Variants in PITPNM2 observed in about 807,000 individuals in gnomAD.
PITPNM2 encodes membrane-associated phosphatidylinositol transfer protein 2.
A neutral mutation model predicts 132.2 loss-of-function variants in PITPNM2; 35 were observed. The observed-to-expected ratio is 0.26, with a 90% CI of 0.20 to 0.35. The LOEUF (loss-of-function observed/expected upper bound fraction) is 0.35. Ranked by LOEUF, PITPNM2 falls within the 10% of genes least tolerant of loss-of-function variation. The probability of loss-of-function intolerance (pLI) is 1.00; values close to 1 mark genes in which losing one functional copy is unlikely to be tolerated. For missense variants in PITPNM2, 1,332 were observed against 1,912.0 expected (o/e 0.70, Z 5.66); for synonymous variants, 738 against 799.2 (o/e 0.92, Z 1.29).
chr12:123,018,073 CTCTCTT>C (rs953806838), intron 3 of PITPNM2, among the ~76,000 whole-genome samples: 5 of 135,070 alleles, frequency 3.7e-5, no homozygotes, highest in Admixed American at 1.5e-4. Context: ...CTCTCTCTCT[CTCTCTT>C]TCTCTTTCTC....
At chr12:123,059,573 C>T (rs1388155372) in intron 2 of PITPNM2, among the ~76,000 whole-genome samples, 4 of 152,228 alleles carry the variant, frequency 2.6e-5, no homozygotes, top group Non-Finnish European at 4.4e-5. Flanking sequence ...GTTTTCATAT[C>T]ATCTGAGCTT....
rs911733216 is a variant in PITPNM2, at chr12:123,021,675, G to A, written c.79-7633C>T. On this transcript the variant is annotated intron_variant, in intron 3 of 25. Coordinates refer to ENST00000320201, the MANE Select transcript of PITPNM2 (RefSeq NM_020845.3). ...CTTCCCTGAGGATGTGGGGCATGGAGTTTACCTTCAGCTATCAGGGTCCAA... is the reference window on the plus strand; with the variant it reads ...CTTCCCTGAGGATGTGGGGCATGGAATTTACCTTCAGCTATCAGGGTCCAA... 12 of 985,334 alleles carry A rather than the reference G, an allele frequency of 1.2e-5. No individual in the cohort carries two copies. The East Asian group carries it at 1.0e-3, about 84-fold the overall frequency. The allele number at this position is 985,334 out of a possible 1,614,324, so 61.0% of individuals were successfully genotyped here. A position where few individuals can be genotyped will look rare whatever the true frequency, so the allele number is the denominator to read the frequency against.
rs2038113133 is a variant in PITPNM2 at position 122,989,938 on chromosome 12, A to T, written c.2580T>A (p.Asp860Glu). 2 of 1,305,276 alleles carry T rather than the reference A, an allele frequency of 1.5e-6. No homozygotes were observed. 80.9% of individuals were successfully genotyped at this position (1,305,276 alleles called of 1,614,324 possible). A position where few individuals can be genotyped will look rare whatever the true frequency, so the allele number is the denominator to read the frequency against. Residue 860 changes from aspartate (D) to glutamate (E), a missense_variant, in exon 18 of 26, where the codon GAT becomes GAA. Asp to Glu is a conservative substitution (Grantham distance 45, BLOSUM62 2). Transcript: ENST00000320201. ...TASSIAQKAP[D>E]ALSHTPSVRR... ...TGACGCTGGGGGTATGGCTGAGCGC[A>T]TCGGGGGCCTCTGAGAAGCAAGAGC...
At chr12:123,028,181 C>G (rs1001866240) in intron 3 of PITPNM2, among the ~76,000 whole-genome samples, 8 of 152,238 alleles carry the variant, frequency 5.3e-5, no homozygotes, top group African/African-American at 1.9e-4. Flanking sequence ...CTCGGCGGCA[C>G]ACATTCGCTG....
chr12:123,014,810 G>A (rs1443094313), intron 3 of PITPNM2, among the ~76,000 whole-genome samples: 1 of 152,142 alleles, frequency 6.6e-6, no homozygotes, highest in Non-Finnish European at 1.5e-5. Flanking sequence ...TCTTATATAT[G>A]GAAAATGCTA....
intron 10 of PITPNM2, among the ~76,000 whole-genome samples, chr12:122,998,944 C>G (rs2038541623): frequency 6.6e-6 from 1 of 152,160 alleles, no homozygotes; most frequent in Non-Finnish European, 1.5e-5. Context: ...AAAACCGTCT[C>G]TACCAAAAAT....
rs2041855740 is a variant in PITPNM2, at chr12:123,078,351, A to G, written c.-96+32034T>C. 6.6e-6 allele frequency among the ~76,000 whole-genome samples: 1 copy of G among 152,152 alleles called. No individual in the cohort carries two copies. Among genetic ancestry groups the G allele is most frequent in the Non-Finnish European group, 1.5e-5 (1 of 68,016 alleles). On this transcript the variant is annotated intron_variant, in intron 2 of 25. Transcript: ENST00000320201. The surrounding 1 kb of genome is among the most constrained non-coding windows in gnomAD (Gnocchi z 7.3). ...ACCGGCCAGACCGGTGGGCAAAAGC[A>G]GCAGCTGGTGGCCACCACCATGCCA...
intron 2 of PITPNM2, chr12:123,090,386 A>G (rs1030228230): frequency 1.3e-5 from 2 of 152,198 alleles, no homozygotes; most frequent in Non-Finnish European, 2.9e-5. Flanking sequence ...TTGTTTAGAG[A>G]CAGAGTCTCT....
chr12:123,122,192 G>A (rs1790122), intron 1 of PITPNM2, among the ~76,000 whole-genome samples: 82,499 of 152,026 alleles, frequency 0.54, 26,895 homozygotes, highest in Non-Finnish European at 0.7. Flanking sequence ...GCCTGGTGCG[G>A]TGGCTCATGC....
chr12:123,091,790 A>T (rs974153260), intron 2 of PITPNM2: 1 of 152,204 alleles, frequency 6.6e-6, no homozygotes, highest in Non-Finnish European at 1.5e-5. Flanking sequence ...ATATGTGTAG[A>T]AACACATTTT....
chr12:123,076,294 C>A (rs1429012298), intron 2 of PITPNM2, among the ~76,000 whole-genome samples: 1 of 152,178 alleles, frequency 6.6e-6, no homozygotes, highest in African/African-American at 2.4e-5. Flanking sequence ...AAAAGCATTC[C>A]TCTCATCCTG....
At chr12:123,029,186 G>A (rs747694654) in intron 3 of PITPNM2, among the ~76,000 whole-genome samples, 6 of 152,198 alleles carry the variant, frequency 3.9e-5, no homozygotes, top group Non-Finnish European at 8.8e-5. Context: ...TCCCAAAGAG[G>A]CCACCTAGGA....
At position 122,991,896 on chromosome 12, in the gene PITPNM2, C is replaced by T. The variant is rs780997576; in HGVS notation, c.2404+603G>A. On this transcript the variant is annotated intron_variant, in intron 16 of 25. Transcript: ENST00000320201. Reference sequence around the variant, plus strand: ...AGCTCAGGGTTTCTCTGCACGGTCTCGACTGGAGGCAGACGGGGAGAGAAC... The same window carrying T: ...AGCTCAGGGTTTCTCTGCACGGTCTTGACTGGAGGCAGACGGGGAGAGAAC... The T allele has an allele frequency of 8.4e-6, 11 of 1,309,946 alleles. No homozygotes were observed. The Admixed American group carries it at 9.1e-5, about 11-fold the overall frequency. 81.1% of individuals were successfully genotyped at this position (1,309,946 alleles called of 1,614,324 possible). A position where few individuals can be genotyped will look rare whatever the true frequency, so the allele number is the denominator to read the frequency against.
chr12:123,086,776 G>A (rs2042124955), intron 2 of PITPNM2, among the ~76,000 whole-genome samples: 4 of 152,228 alleles, frequency 2.6e-5, no homozygotes, highest in Admixed American at 2.6e-4. Flanking sequence ...AAGTGTGGAA[G>A]GAGGCTCTGA....
intron 2 of PITPNM2, among the ~76,000 whole-genome samples, chr12:123,035,830 G>A (rs1208507486): frequency 6.6e-6 from 1 of 152,136 alleles, no homozygotes; most frequent in African/African-American, 2.4e-5. Context: ...GCCAAGTGAA[G>A]GTTTTCAGGA....
At chr12:123,017,384 A>G (rs2039469358) in intron 3 of PITPNM2, among the ~76,000 whole-genome samples, 1 of 152,130 alleles carries the variant, frequency 6.6e-6, no homozygotes, top group African/African-American at 2.4e-5. Context: ...AAAAAAAAAA[A>G]AGTTTAGCAC....
Position 123,058,021 on chromosome 12 carries a change from C to T in PITPNM2, c.-95-23336G>A, listed in dbSNP as rs1419970397. ...CTGTACACCTGACAGGTGCTACCTC[C>T]TCTCTGGGCCACTAGGCAGCAAAAA... On this transcript the variant is annotated intron_variant, in intron 2 of 25. Coordinates refer to ENST00000320201, the MANE Select transcript of PITPNM2 (RefSeq NM_020845.3). This position sits in a 1 kb window ranked among gnomAD's most constrained non-coding sequence, Gnocchi z 4.0. 6.6e-6 allele frequency among the ~76,000 whole-genome samples: 1 copy of T among 152,218 alleles called. No homozygotes were observed. The highest frequency in any genetic ancestry group is 1.5e-5 in the Non-Finnish European group (1 of 68,034).
At position 122,984,247 on chromosome 12, in the gene PITPNM2, G is replaced by A. The variant is rs1218612086; in HGVS notation, c.*1780C>T. ...GCAGGAGGGCCCGAGACTCTTCCAG[G>A]TGCTTCTCTGGATGGCTGGTCTCCC... On this transcript the variant is annotated 3_prime_UTR_variant, in exon 26 of 26. Transcript: ENST00000320201. The A allele has an allele frequency of 6.6e-6, 1 of 152,650 alleles. No individual in the cohort carries two copies. The highest frequency in any genetic ancestry group is 2.4e-5 in the African/African-American group (1 of 41,466). 9.5% of individuals were successfully genotyped at this position (152,650 alleles called of 1,614,324 possible).
In PITPNM2 at chr12:123,058,316, A is replaced by G. The variant is rs2041112085; in HGVS notation, c.-95-23631T>C. 6.6e-6 allele frequency among the ~76,000 whole-genome samples: 1 copy of G among 152,058 alleles called. No homozygotes were observed. Among genetic ancestry groups the G allele is most frequent in the Non-Finnish European group, 1.5e-5 (1 of 67,996 alleles). ...AAGAACACCTGCTATGTCTCCCTCT[A>G]ATTTGCCTTCTGCCTCCATCCCTTT... is the stretch of plus-strand genomic sequence containing the variant. On this transcript the variant is annotated intron_variant, in intron 2 of 25. Transcript: ENST00000320201. The surrounding 1 kb of genome is among the most constrained non-coding windows in gnomAD (Gnocchi z 4.0).
Sources: gnomAD v4.1 joint callset for allele counts (sites outside exome capture counted in the v4.1 genomes callset) on GRCh38, gnomAD v4.1.1 for gene constraint, Gnocchi (gnomAD v3.1) non-coding constraint, MANE v1.5 for transcripts, NCBI Gene and HGNC (gene_info 2026-07-23, HGNC 2026-07-21) for gene names.